Variants in RAB11FIP4 observed in about 807,000 individuals in gnomAD.
RAB11FIP4 encodes the protein RAB11 family interacting protein 4.
In RAB11FIP4, 23 loss-of-function variants were observed where a neutral mutation model predicts 74.3. The ratio of observed to expected loss-of-function variants is 0.31; its 90% CI spans 0.22 to 0.44. The LOEUF (loss-of-function observed/expected upper bound fraction) is 0.44, where lower values mean the gene tolerates loss of function less well. RAB11FIP4 is among the 20% of genes least tolerant of loss of function. RAB11FIP4 has a pLI of 1.00. For synonymous variants in RAB11FIP4, 360 were observed against 359.9 expected, an observed-to-expected ratio of 1.00 and a Z score of 0.00; for missense variants, 630 against 863.9, an observed-to-expected ratio of 0.73 and a Z score of 3.39.
chr17:31,475,048 T>C (rs114172519), intron 3 of RAB11FIP4, among the ~76,000 whole-genome samples: 2 of 151,568 alleles, frequency 1.3e-5, no homozygotes, highest in South Asian at 2.1e-4. Context: ...GAGGAACTCA[T>C]AGAGAAGGAG....
chr17:31,461,318 G>C (rs2071632311), intron 3 of RAB11FIP4, among the ~76,000 whole-genome samples: 1 of 152,132 alleles, frequency 6.6e-6, no homozygotes, highest in Non-Finnish European at 1.5e-5. Context: ...GCCCTCACCA[G>C]TTCCTGAGGT....
intron 3 of RAB11FIP4, among the ~76,000 whole-genome samples, chr17:31,498,240 C>G (rs142454433): frequency 6.6e-6 from 1 of 152,312 alleles, no homozygotes; most frequent in East Asian, 1.9e-4. Flanking sequence ...GAAAGCCTGC[C>G]CTGGCCGGAG....
intron 3 of RAB11FIP4, among the ~76,000 whole-genome samples, chr17:31,508,272 G>A (rs893700546): frequency 2.0e-5 from 3 of 152,176 alleles, no homozygotes; most frequent in East Asian, 1.9e-4. Flanking sequence ...ATGGTCCAGG[G>A]TCTGGTCTGC....
chr17:31,411,881 G>A (rs890993037), intron 1 of RAB11FIP4, among the ~76,000 whole-genome samples: 6 of 152,258 alleles, frequency 3.9e-5, no homozygotes, highest in African/African-American at 7.2e-5. Flanking sequence ...CAGCAGAGAG[G>A]AAGCGAGGGC....
intron 3 of RAB11FIP4, among the ~76,000 whole-genome samples, chr17:31,442,870 G>A (rs1170381841): frequency 6.6e-6 from 1 of 150,844 alleles, no homozygotes; most frequent in African/African-American, 2.4e-5. Context: ...TGAGGCAGGA[G>A]AATCCCTTGA....
At chr17:31,507,140 G>A (rs1192555055) in intron 3 of RAB11FIP4, among the ~76,000 whole-genome samples, 4 of 152,162 alleles carry the variant, frequency 2.6e-5, no homozygotes, top group African/African-American at 4.8e-5. Flanking sequence ...TTAGCCAGGC[G>A]TGGTGGCATG....
intron 3 of RAB11FIP4, among the ~76,000 whole-genome samples, chr17:31,455,400 G>A (rs147431522): frequency 6.6e-6 from 1 of 152,268 alleles, no homozygotes; most frequent in Non-Finnish European, 1.5e-5. Context: ...ATTTACAAAT[G>A]GAAATTTATG....
intron 1 of RAB11FIP4, among the ~76,000 whole-genome samples, chr17:31,415,893 C>T (rs914789767): frequency 6.6e-6 from 1 of 152,194 alleles, no homozygotes; most frequent in Admixed American, 6.5e-5. Context: ...CCTCAGGCCC[C>T]CTTTATGCAT....
At chr17:31,520,083 G>T (rs2072633404) in intron 4 of RAB11FIP4, among the ~76,000 whole-genome samples, 1 of 111,258 alleles carries the variant, frequency 9.0e-6, no homozygotes, top group East Asian at 2.6e-4. Flanking sequence ...GACAAAGCAA[G>T]ACTCTGTCTC....
intron 3 of RAB11FIP4, among the ~76,000 whole-genome samples, chr17:31,459,031 T>C (rs748193560): frequency 1.3e-5 from 2 of 152,192 alleles, no homozygotes; most frequent in Non-Finnish European, 2.9e-5. Flanking sequence ...GTACCCAACC[T>C]GTGCAGCTGA....
intron 3 of RAB11FIP4, among the ~76,000 whole-genome samples, chr17:31,489,842 C>G (rs1331065142): frequency 6.6e-6 from 1 of 151,714 alleles, no homozygotes. Context: ...GAAGGGGGGG[C>G]CTGGACTTAG....
At chr17:31,443,248 A>G (rs2071422206) in intron 3 of RAB11FIP4, among the ~76,000 whole-genome samples, 1 of 152,206 alleles carries the variant, frequency 6.6e-6, no homozygotes, top group East Asian at 1.9e-4. Context: ...ACTTCTATTG[A>G]GTATTTTTTA....
chr17:31,525,346 CTTGAG>C, intron 10 of RAB11FIP4, 116 bp downstream of exon 10: 2 of 1,047,448 alleles, frequency 1.9e-6, no homozygotes, highest in Non-Finnish European at 2.7e-6. Flanking sequence ...GGGGCAGCCT[CTTGAG>C]ACTTTCCAGT....
intron 9 of RAB11FIP4, 76 bp from the exon 10 acceptor site, chr17:31,525,013 AG>A: frequency 1.3e-6 from 2 of 1,527,838 alleles, no homozygotes; most frequent in Non-Finnish European, 1.8e-6. Flanking sequence ...CTCGGGGCCC[AG>A]GGTCCCCCGT....
intron 3 of RAB11FIP4, among the ~76,000 whole-genome samples, chr17:31,495,366 ATTTTTTTT>A (rs3058694): frequency 0.012 from 993 of 83,176 alleles, 16 homozygotes; most frequent in African/African-American, 0.033. Flanking sequence ...CACTTGACTG[ATTTTTTTT>A]TTTTTTTTTT....
intron 3 of RAB11FIP4, among the ~76,000 whole-genome samples, chr17:31,491,756 T>G (rs566505084): frequency 6.6e-6 from 1 of 152,318 alleles, no homozygotes; most frequent in South Asian, 2.1e-4. Flanking sequence ...CAAGTGAGAC[T>G]AGAAATCCAC....
chr17:31,419,043 T>G (rs2071174762), intron 1 of RAB11FIP4, among the ~76,000 whole-genome samples: 1 of 152,226 alleles, frequency 6.6e-6, no homozygotes, highest in Admixed American at 6.5e-5. Flanking sequence ...TTTGTAACCT[T>G]TGGGAGTGGT....
Position 31,527,824 on chromosome 17 carries a change from TCTTTCTC to T in RAB11FIP4, c.1275-12_1275-6del, listed in dbSNP as rs767460378. The T allele has an allele frequency of 1.3e-6, 2 of 1,589,556 alleles. No individual in the cohort carries two copies. The highest frequency in any genetic ancestry group is 1.7e-6 in the Non-Finnish European group (2 of 1,166,604). On this transcript the variant is annotated splice_polypyrimidine_tract_variant and intron_variant, in intron 10 of 14. Coordinates refer to ENST00000621161, the MANE Select transcript of RAB11FIP4 (RefSeq NM_032932.6). Reference sequence around the variant, plus strand: ...CTACATTCCAGGTTTCTGAGATTTGTCTTTCTCCTTTCGCCAGGGTGCAGCAGTTGGA... The same window carrying T: ...CTACATTCCAGGTTTCTGAGATTTGTCTTTCGCCAGGGTGCAGCAGTTGGA...
chr17:31,446,414 A>T (rs2071464443), intron 3 of RAB11FIP4, among the ~76,000 whole-genome samples: 1 of 151,960 alleles, frequency 6.6e-6, no homozygotes, highest in Non-Finnish European at 1.5e-5. Flanking sequence ...AATTGTGGGG[A>T]GGCAGCCGGC....
Sources: allele counts gnomAD v4.1 joint callset (sites outside exome capture counted in the v4.1 genomes callset), GRCh38; gene constraint gnomAD v4.1.1; transcripts MANE v1.5; gene names NCBI Gene and HGNC (gene_info 2026-07-23, HGNC 2026-07-21).